Variants in TCF7L2 observed in about 807,000 individuals in gnomAD.
TCF7L2 encodes transcription factor 7 like 2, also known as transcription factor 7-like 2.
In TCF7L2, 23 loss-of-function variants were observed where a neutral mutation model predicts 77.9. The observed-to-expected ratio is 0.30, with a 90% CI of 0.21 to 0.42. TCF7L2 has a LOEUF of 0.42. TCF7L2 is among the 10% of genes least tolerant of loss of function. The pLI, the probability that TCF7L2 is intolerant of heterozygous loss-of-function variation, is 1.00. For synonymous variants in TCF7L2, 413 were observed against 340.2 expected, an observed-to-expected ratio of 1.21 and a Z score of -2.36; for missense variants, 654 against 793.1, an observed-to-expected ratio of 0.82 and a Z score of 2.11.
intron 11 of TCF7L2, among the ~76,000 whole-genome samples, chr10:113,155,561 T>C (rs2071694238): frequency 6.6e-6 from 1 of 152,248 alleles, no homozygotes; most frequent in Admixed American, 6.5e-5. Context: ...CTCCGTGCTA[T>C]ATCCTAAAGG....
Position 113,118,648 on chromosome 10 carries a change from T to A in TCF7L2, c.553-22536T>A, listed in dbSNP as rs545662319. Among the ~76,000 whole-genome samples the A allele has an allele frequency of 3.1e-3, 105 of 33,766 alleles. 1 individual carries two copies. The highest frequency in any genetic ancestry group is 0.017 in the African/African-American group (102 of 6,180). 22.2% of individuals were successfully genotyped at this position (33,766 alleles called of 152,430 possible). On this transcript the variant is annotated intron_variant, in intron 5 of 13. Coordinates refer to ENST00000627217, the MANE Select transcript of TCF7L2 (RefSeq NM_001146274.2). ...GGCTGCAATCTGTTGGGGAAGTTTT[T>A]TTTTTGTTTTTTTTTGTTTTTTTTT...
intron 4 of TCF7L2, among the ~76,000 whole-genome samples, chr10:112,969,093 C>T (rs1042428386): frequency 2.6e-5 from 4 of 152,134 alleles, no homozygotes; most frequent in African/African-American, 9.7e-5. Context: ...TGATAAAGAG[C>T]TCCCCAGAAG....
intron 5 of TCF7L2, among the ~76,000 whole-genome samples, chr10:113,067,381 C>T (rs751320162): frequency 6.6e-6 from 1 of 152,190 alleles, no homozygotes; most frequent in Non-Finnish European, 1.5e-5. Context: ...ACAGAATTGA[C>T]TAATGTCAGA....
chr10:113,113,875 G>A (rs2063430693), intron 5 of TCF7L2, among the ~76,000 whole-genome samples: 1 of 152,146 alleles, frequency 6.6e-6, no homozygotes, highest in Non-Finnish European at 1.5e-5. Flanking sequence ...AGCCTTTTAA[G>A]AATCAAATGC....
At chr10:113,039,949 A>G in intron 4 of TCF7L2, 76 bp from the exon 5 acceptor site, 1 of 1,282,404 alleles carries the variant, frequency 7.8e-7, no homozygotes, top group Non-Finnish European at 1.1e-6. Flanking sequence ...TGTCACAGTT[A>G]TTTCTTGGGC....
intron 5 of TCF7L2, among the ~76,000 whole-genome samples, chr10:113,116,466 G>A (rs2063747209): frequency 6.6e-6 from 1 of 152,084 alleles, no homozygotes. Flanking sequence ...TCTGTTAAAA[G>A]CATATTTGAA....
chr10:113,000,326 G>A (rs1209715823), intron 4 of TCF7L2, among the ~76,000 whole-genome samples: 1 of 152,076 alleles, frequency 6.6e-6, no homozygotes, highest in Non-Finnish European at 1.5e-5. Flanking sequence ...CAGGTGCATG[G>A]TAGTGAATTA....
chr10:113,110,944 C>T (rs2063049519), intron 5 of TCF7L2, among the ~76,000 whole-genome samples: 1 of 152,022 alleles, frequency 6.6e-6, no homozygotes, highest in African/African-American at 2.4e-5. Flanking sequence ...CTGTTAACAC[C>T]ATATTCCCCA....
chr10:113,097,137 T>C (rs997132733), intron 5 of TCF7L2, among the ~76,000 whole-genome samples: 1 of 152,198 alleles, frequency 6.6e-6, no homozygotes, highest in East Asian at 1.9e-4. Context: ...TGTCACGTAG[T>C]GCTCATCCCA....
chr10:113,104,950 T>C (rs530314402), intron 5 of TCF7L2, among the ~76,000 whole-genome samples: 41 of 152,186 alleles, frequency 2.7e-4, no homozygotes, highest in Non-Finnish European at 5.7e-4. Flanking sequence ...TGCTGGCTGA[T>C]AGTCTCCCTC....
chr10:113,110,496 G>A (rs530221770), intron 5 of TCF7L2, among the ~76,000 whole-genome samples: 1 of 150,450 alleles, frequency 6.6e-6, no homozygotes, highest in Non-Finnish European at 1.5e-5. Context: ...ATATTTATAC[G>A]TGAGACACAG....
chr10:112,982,235 A>T (rs569778659), intron 4 of TCF7L2, among the ~76,000 whole-genome samples: 117 of 150,824 alleles, frequency 7.8e-4, no homozygotes, highest in South Asian at 2.1e-3. Flanking sequence ...TTTTTTTTTT[A>T]AAAAATAACA....
chr10:112,972,593 C>G (rs551800284), intron 4 of TCF7L2, among the ~76,000 whole-genome samples: 12 of 152,290 alleles, frequency 7.9e-5, no homozygotes, highest in African/African-American at 2.6e-4. Context: ...ACCTCAGCCT[C>G]TTGAGTAGCT....
intron 4 of TCF7L2, among the ~76,000 whole-genome samples, 198 bp downstream of exon 4, chr10:112,964,822 T>TGGTGGTGATGGTGGTGG (rs1554875168): frequency 1.4e-5 from 1 of 73,564 alleles, no homozygotes; most frequent in African/African-American, 5.5e-5. Flanking sequence ...TGGGGGGGGG[T>TGGTGGTGATGGTGGTGG]TGAATCACTG....
intron 5 of TCF7L2, among the ~76,000 whole-genome samples, chr10:113,056,243 C>T (rs559499510): frequency 5.3e-5 from 8 of 152,332 alleles, no homozygotes; most frequent in African/African-American, 1.9e-4. Flanking sequence ...AGTGGCAGAG[C>T]CAAGATTCAA....
chr10:112,954,019 A>C (rs1270559936), intron 3 of TCF7L2, among the ~76,000 whole-genome samples: 1 of 152,240 alleles, frequency 6.6e-6, no homozygotes, highest in Non-Finnish European at 1.5e-5. Context: ...GCTGGTCAGC[A>C]GAGCAGTGGA....
intron 5 of TCF7L2, among the ~76,000 whole-genome samples, chr10:113,124,972 AC>A (rs1316171688): frequency 1.3e-5 from 2 of 152,012 alleles, no homozygotes; most frequent in African/African-American, 4.8e-5. Context: ...TGTGTTTATG[AC>A]AGAAAGATGT....
chr10:113,084,329 A>G (rs2059604221), intron 5 of TCF7L2, among the ~76,000 whole-genome samples: 1 of 152,176 alleles, frequency 6.6e-6, no homozygotes, highest in South Asian at 2.1e-4. Flanking sequence ...CTGATGGTGT[A>G]ATTCCTTTTC....
chr10:113,118,404 T>C (rs2064172258), intron 5 of TCF7L2, among the ~76,000 whole-genome samples: 1 of 152,160 alleles, frequency 6.6e-6, no homozygotes. Context: ...TTTAGTTTTG[T>C]AGGGAGGGAC....
Sources: allele counts gnomAD v4.1 joint callset (sites outside exome capture counted in the v4.1 genomes callset), GRCh38; gene constraint gnomAD v4.1.1; transcripts MANE v1.5; gene names NCBI Gene and HGNC (gene_info 2026-07-23, HGNC 2026-07-21).